Variants in CACNA1C observed in about 807,000 individuals in gnomAD.
CACNA1C encodes the protein voltage-dependent L-type calcium channel subunit alpha-1C.
CACNA1C carries 30 observed loss-of-function variants against 229.0 expected under a neutral mutation model. The observed-to-expected ratio is 0.13, with a 90% CI of 0.10 to 0.18. The LOEUF (loss-of-function observed/expected upper bound fraction) is 0.18, where lower values mean the gene tolerates loss of function less well. CACNA1C is among the 10% of genes least tolerant of loss of function. The pLI is 1.00. For synonymous variants in CACNA1C, 1,114 were observed against 1,132.5 expected (o/e 0.98, Z 0.33); for missense variants, 1,658 against 2,845.0 (o/e 0.58, Z 9.49).
chr12:2,538,732 A>C (rs932648498), intron 9 of CACNA1C, among the ~76,000 whole-genome samples: 2 of 152,244 alleles, frequency 1.3e-5, no homozygotes, highest in African/African-American at 4.8e-5. Flanking sequence ...TCCTTCATCT[A>C]TCCACTTGAC....
At chr12:2,191,846 G>A (rs2097233795) in intron 3 of CACNA1C, among the ~76,000 whole-genome samples, 1 of 68,252 alleles carries the variant, frequency 1.5e-5, no homozygotes, top group Non-Finnish European at 3.8e-5. Flanking sequence ...GCACACACAT[G>A]CACTCACACA....
chr12:2,009,248 AAAT>A (rs2043986377), intron 1 of CACNA1C, among the ~76,000 whole-genome samples: 1 of 152,244 alleles, frequency 6.6e-6, no homozygotes, highest in Non-Finnish European at 1.5e-5. Flanking sequence ...AATGATAAAA[AAAT>A]AATGTTTGGG....
intron 10 of CACNA1C, chr12:2,550,692 T>TG (rs1207950418): frequency 7.6e-7 from 1 of 1,320,292 alleles, no homozygotes; most frequent in Non-Finnish European, 1.0e-6. Context: ...TTGCTCCACC[T>TG]GGGGGGCGGG....
At chr12:1,991,280 A>C in intron 1 of CACNA1C, 1 of 454,934 alleles carries the variant, frequency 2.2e-6, no homozygotes, top group Non-Finnish European at 4.4e-6. Flanking sequence ...CTACTCCACA[A>C]AATTGTGATT....
chr12:2,337,625 C>A (rs2096738479), intron 3 of CACNA1C, among the ~76,000 whole-genome samples: 1 of 152,256 alleles, frequency 6.6e-6, no homozygotes, highest in African/African-American at 2.4e-5. Context: ...AAAATACTGT[C>A]TCAGCCCTTT....
At chr12:2,686,392 C>T (rs2097492413) in intron 45 of CACNA1C, 123 bp downstream of exon 45, 1 of 822,164 alleles carries the variant, frequency 1.2e-6, no homozygotes. Context: ...GCACGTCCTG[C>T]CCCTGCCCTA....
At chr12:2,246,098 C>T (rs919724833) in intron 3 of CACNA1C, among the ~76,000 whole-genome samples, 4 of 152,092 alleles carry the variant, frequency 2.6e-5, no homozygotes, top group African/African-American at 4.8e-5. Flanking sequence ...AAGCACCTGC[C>T]GTTAGGGTGG....
At position 2,694,141 on chromosome 12, in the gene CACNA1C, A is replaced by G. The variant is rs2097818564; in HGVS notation, c.*2942A>G. The G allele has an allele frequency of 6.6e-6, 1 of 152,200 alleles. No individual in the cohort carries two copies. The highest frequency in any genetic ancestry group is 2.1e-4 in the South Asian group (1 of 4,832). The allele number at this position is 152,200 out of a possible 1,614,324, so 9.4% of individuals were successfully genotyped here. A position where few individuals can be genotyped will look rare whatever the true frequency, so the allele number is the denominator to read the frequency against. On this transcript the variant is annotated 3_prime_UTR_variant, in exon 47 of 47. Coordinates refer to ENST00000399655, the MANE Select transcript of CACNA1C (RefSeq NM_000719.7). ...AGGTACACACAGGCGTTCCCTGTCT[A>G]GGGCAGGAGGACTATCCTAGCTTGA...
At chr12:2,212,604 A>T (rs1274682787) in intron 3 of CACNA1C, among the ~76,000 whole-genome samples, 1 of 152,168 alleles carries the variant, frequency 6.6e-6, no homozygotes, top group Non-Finnish European at 1.5e-5. Context: ...TTAGAAAGGT[A>T]TGTATTTTAT....
At position 2,275,983 on chromosome 12, in the gene CACNA1C, T is replaced by C. The variant is rs899543565; in HGVS notation, c.477+155553T>C. Among the ~76,000 whole-genome samples the C allele has an allele frequency of 2.6e-5, 4 of 152,228 alleles. No homozygotes were observed. The highest frequency in any genetic ancestry group is 9.6e-5 in the African/African-American group (4 of 41,456). ...GATACAAAACCCAAGGATGCCCATGTCCTTTTATGTATGTAGATTATATGC... is the reference window on the plus strand; with the variant it reads ...GATACAAAACCCAAGGATGCCCATGCCCTTTTATGTATGTAGATTATATGC... On this transcript the variant is annotated intron_variant, in intron 3 of 46. Coordinates refer to ENST00000399655, the MANE Select transcript of CACNA1C (RefSeq NM_000719.7). This position sits in a 1 kb window ranked among gnomAD's most constrained non-coding sequence, Gnocchi z 4.1.
At chr12:2,358,311 C>CTT in intron 3 of CACNA1C, among the ~76,000 whole-genome samples, 3 of 141,564 alleles carry the variant, frequency 2.1e-5, no homozygotes, top group African/African-American at 7.9e-5. Context: ...GTGTGTGTCT[C>CTT]TTTGTCATCT....
chr12:2,367,224 G>A (rs570510561), intron 3 of CACNA1C, among the ~76,000 whole-genome samples: 1 of 152,290 alleles, frequency 6.6e-6, no homozygotes, highest in African/African-American at 2.4e-5. Flanking sequence ...TCTCACATGC[G>A]CAGTTCACAA....
chr12:2,319,304 G>T lies in CACNA1C; in HGVS notation c.478-129672G>T, dbSNP rs1391205883. On this transcript the variant is annotated intron_variant, in intron 3 of 46. Coordinates refer to ENST00000399655, the MANE Select transcript of CACNA1C (RefSeq NM_000719.7). This position sits in a 1 kb window ranked among gnomAD's most constrained non-coding sequence, Gnocchi z 4.0. The stretch of plus-strand genomic sequence containing the variant: ...GCCTGTGGGGGCAGCGTGCATGAAG[G>T]CGGCATGCATGGGGGTGCCGTGCAT... 2.6e-5 allele frequency among the ~76,000 whole-genome samples: 4 copies of T among 152,200 alleles called. No individual in the cohort carries two copies. In the East Asian group the frequency reaches 5.8e-4, roughly 22 times the overall value.
chr12:2,596,132 A>G (rs1424731407), intron 20 of CACNA1C, 129 bp downstream of exon 20: 1 of 920,366 alleles, frequency 1.1e-6, no homozygotes, highest in African/African-American at 1.7e-5. Flanking sequence ...CACAACTAAC[A>G]TTTCATTAAG....
chr12:2,531,294 C>T lies in CACNA1C; in HGVS notation c.1390+18310C>T, dbSNP rs180882851. The stretch of plus-strand genomic sequence containing the variant: ...GAGAGGCAAGCACATGGTAACCCCC[C>T]AGAATCATGAGCCTGGTGATAGGAG... On this transcript the variant is annotated intron_variant, in intron 9 of 46. Transcript: ENST00000399655. Among the ~76,000 whole-genome samples, 753 of 152,310 alleles carry T rather than the reference C, an allele frequency of 4.9e-3. 7 individuals are homozygous for T. Among genetic ancestry groups the T allele is most frequent in the African/African-American group, 0.017 (722 of 41,570 alleles).
chr12:2,539,285 C>T (rs2099863623), intron 9 of CACNA1C, among the ~76,000 whole-genome samples: 1 of 86,032 alleles, frequency 1.2e-5, no homozygotes, highest in Non-Finnish European at 2.2e-5. Context: ...GGTTTAAGGA[C>T]TTAAGGAGGG....
intron 3 of CACNA1C, among the ~76,000 whole-genome samples, chr12:2,404,651 G>A (rs950107872): frequency 6.6e-6 from 1 of 152,114 alleles, no homozygotes; most frequent in African/African-American, 2.4e-5. Context: ...AGATGCATGG[G>A]GGGCCCTGGG....
At chr12:2,660,012 C>G (rs2095625563) in intron 34 of CACNA1C, 1 of 189,606 alleles carries the variant, frequency 5.3e-6, no homozygotes, top group African/African-American at 2.4e-5. Context: ...CAAACCATAC[C>G]TTTTATGAGA....
At chr12:2,642,113 A>G (rs1402002784) in intron 30 of CACNA1C, among the ~76,000 whole-genome samples, 2 of 152,128 alleles carry the variant, frequency 1.3e-5, no homozygotes, top group Admixed American at 6.5e-5. Flanking sequence ...TTTGACCCGA[A>G]AGGTCATGGG....
Sources: allele counts gnomAD v4.1 joint callset (sites outside exome capture counted in the v4.1 genomes callset), GRCh38; gene constraint gnomAD v4.1.1; non-coding constraint Gnocchi (gnomAD v3.1); transcripts MANE v1.5; gene names NCBI Gene and HGNC (gene_info 2026-07-23, HGNC 2026-07-21).